The following RNF150 variants were observed in gnomAD, a reference collection of about 807,000 sequenced individuals.
The protein encoded by RNF150 is ring finger protein 150.
A neutral mutation model predicts 39.3 loss-of-function variants in RNF150; 24 were observed. The ratio of observed to expected loss-of-function variants is 0.61; its 90% CI spans 0.44 to 0.86. The LOEUF is 0.86. Ranked by LOEUF, RNF150 falls within the 40% of genes least tolerant of loss-of-function variation. The probability of loss-of-function intolerance (pLI) is 0.00; values close to 1 mark genes in which losing one functional copy is unlikely to be tolerated. For missense variants in RNF150, 502 were observed against 587.8 expected, an observed-to-expected ratio of 0.85 and a Z score of 1.51; for synonymous variants, 255 against 227.3, an observed-to-expected ratio of 1.12 and a Z score of -1.10.
chr4:140,896,698 A>AAC (rs1347195422), intron 6 of RNF150, among the ~76,000 whole-genome samples: 3 of 109,070 alleles, frequency 2.8e-5, no homozygotes, highest in Non-Finnish European at 5.5e-5. Flanking sequence ...AAAAAAAAAA[A>AAC]AACAAAAAAA....
At chr4:141,175,487 C>A (rs1424429819) in intron 1 of RNF150, among the ~76,000 whole-genome samples, 1 of 152,116 alleles carries the variant, frequency 6.6e-6, no homozygotes, top group African/African-American at 2.4e-5. Context: ...GAGAGGGCTA[C>A]CAGTGGTCGT....
rs528674543 is a variant in RNF150 at position 141,185,966 on chromosome 4, C to T, written c.-6+26828G>A. Among the ~76,000 whole-genome samples the T allele has an allele frequency of 3.9e-5, 6 of 152,304 alleles. No individual in the cohort carries two copies. In the South Asian group the frequency reaches 1.2e-3, roughly 32 times the overall value. On this transcript the variant is annotated intron_variant, in intron 1 of 7. Coordinates refer to the RNF150 transcript ENST00000420921. Reference sequence around the variant, plus strand: ...TATTGAGGATTTTTGCATCGATGTTCATCAGGGACATTGGACTGAAATTTC... The same window carrying T: ...TATTGAGGATTTTTGCATCGATGTTTATCAGGGACATTGGACTGAAATTTC...
At chr4:141,012,322 G>A (rs780614913) in intron 1 of RNF150, among the ~76,000 whole-genome samples, 1 of 152,188 alleles carries the variant, frequency 6.6e-6, no homozygotes, top group Non-Finnish European at 1.5e-5. Context: ...TGGCTGTGAA[G>A]TTGCAAGAAT....
At chr4:141,167,670 C>A (rs1207265375) in intron 1 of RNF150, among the ~76,000 whole-genome samples, 1 of 152,024 alleles carries the variant, frequency 6.6e-6, no homozygotes, top group Non-Finnish European at 1.5e-5. Flanking sequence ...TTTGACAAAC[C>A]TGACAAAAAG....
At chr4:140,949,011 A>G (rs1732437799) in intron 3 of RNF150, among the ~76,000 whole-genome samples, 2 of 152,212 alleles carry the variant, frequency 1.3e-5, no homozygotes, top group African/African-American at 4.8e-5. Context: ...CATTTCTAGT[A>G]CAAATTTTAG....
At chr4:140,991,709 G>A (rs537266925) in intron 1 of RNF150, among the ~76,000 whole-genome samples, 27 of 152,168 alleles carry the variant, frequency 1.8e-4, no homozygotes, top group African/African-American at 6.3e-4. Flanking sequence ...AACTGATAGA[G>A]CATCTTTCTA....
At chr4:141,144,674 T>G (rs1280822511) in intron 1 of RNF150, among the ~76,000 whole-genome samples, 1 of 152,206 alleles carries the variant, frequency 6.6e-6, no homozygotes, top group East Asian at 1.9e-4. Flanking sequence ...GAGCTAATTA[T>G]AAATATTCTT....
chr4:140,931,700 A>T (rs1339934874), intron 4 of RNF150, among the ~76,000 whole-genome samples: 1 of 152,242 alleles, frequency 6.6e-6, no homozygotes, highest in East Asian at 1.9e-4. Flanking sequence ...TGGAAATACA[A>T]CAAAGAGTTG....
At chr4:141,193,658 C>G (rs954910477) in intron 1 of RNF150, among the ~76,000 whole-genome samples, 23 of 152,078 alleles carry the variant, frequency 1.5e-4, no homozygotes, top group Non-Finnish European at 1.3e-4. Flanking sequence ...TGCCACAATG[C>G]AACAGGAACG....
chr4:141,010,398 A>G (rs1042525630), intron 1 of RNF150, among the ~76,000 whole-genome samples: 2 of 152,156 alleles, frequency 1.3e-5, no homozygotes, highest in Non-Finnish European at 1.5e-5. Context: ...CTAAAGACCA[A>G]CTTATGCCAA....
At chr4:141,064,609 T>TAAC (rs34490674) in intron 1 of RNF150, among the ~76,000 whole-genome samples, 106,724 of 151,054 alleles carry the variant, frequency 0.71, 39,344 homozygotes, top group Non-Finnish European at 0.82. Context: ...GCACCATCTC[T>TAAC]AACAACAACA....
At chr4:141,051,088 G>A (rs930600628) in intron 1 of RNF150, among the ~76,000 whole-genome samples, 5 of 152,140 alleles carry the variant, frequency 3.3e-5, no homozygotes, top group African/African-American at 1.2e-4. Context: ...CACAGGGAAG[G>A]TGCCAGGCTT....
intron 1 of RNF150, among the ~76,000 whole-genome samples, chr4:141,111,792 C>G (rs1739392647): frequency 6.6e-6 from 1 of 152,100 alleles, no homozygotes; most frequent in African/African-American, 2.4e-5. Flanking sequence ...ACAAAATATA[C>G]ACTTTACATA....
At chr4:141,131,758 C>G (rs1447419747) in intron 1 of RNF150, among the ~76,000 whole-genome samples, 1 of 152,164 alleles carries the variant, frequency 6.6e-6, no homozygotes, top group Non-Finnish European at 1.5e-5. Flanking sequence ...ATCGTGGCCA[C>G]CTGTCAGTTT....
intron 1 of RNF150, among the ~76,000 whole-genome samples, chr4:141,148,410 GC>G (rs1329087554): frequency 6.6e-6 from 1 of 152,032 alleles, no homozygotes; most frequent in Non-Finnish European, 1.5e-5. Context: ...GTCAGTAACT[GC>G]CCCTGGACAA....
chr4:140,988,371 T>C (rs1303272763), intron 1 of RNF150, among the ~76,000 whole-genome samples: 17 of 152,088 alleles, frequency 1.1e-4, no homozygotes, highest in Admixed American at 2.0e-4. Flanking sequence ...CAACAGCAGA[T>C]TGAATAAAGA....
chr4:140,891,107 G>A (rs1729739115), intron 6 of RNF150, among the ~76,000 whole-genome samples: 1 of 152,188 alleles, frequency 6.6e-6, no homozygotes, highest in Admixed American at 6.5e-5. Flanking sequence ...GGATGTGTGA[G>A]TAGGAATAGC....
intron 4 of RNF150, among the ~76,000 whole-genome samples, chr4:140,926,600 A>G (rs1343741858): frequency 6.6e-6 from 1 of 152,334 alleles, no homozygotes; most frequent in East Asian, 1.9e-4. Flanking sequence ...TGTCAAATCA[A>G]AAGCCAGAGT....
intron 1 of RNF150, among the ~76,000 whole-genome samples, chr4:141,115,521 T>C (rs1028528174): frequency 6.6e-6 from 1 of 152,210 alleles, no homozygotes; most frequent in Non-Finnish European, 1.5e-5. Flanking sequence ...AAACATTCCA[T>C]GCTCATGGAT....
Sources: allele counts gnomAD v4.1 joint callset (sites outside exome capture counted in the v4.1 genomes callset), GRCh38; gene constraint gnomAD v4.1.1; transcripts MANE v1.5; gene names NCBI Gene and HGNC (gene_info 2026-07-23, HGNC 2026-07-21).